The following MYO9A variants were observed in gnomAD, a reference collection of about 807,000 sequenced individuals.
The protein encoded by MYO9A is myosin IXA.
In MYO9A, 103 loss-of-function variants were observed where a neutral mutation model predicts 293.3. The observed-to-expected ratio is 0.35, with a 90% confidence interval of 0.30 to 0.41. The LOEUF is 0.41. Among genes scored for constraint, MYO9A ranks in the 10% least tolerant of loss-of-function variants. The pLI is 1.00. For missense variants in MYO9A, 2,685 were observed against 3,033.0 expected (o/e 0.89, Z 2.69); for synonymous variants, 1,001 against 1,035.7 (o/e 0.97, Z 0.64).
Position 72,019,109 on chromosome 15 carries a change from A to C in MYO9A, c.1099-14T>G. ...TTTCTTTGTTATCTGAAAGTAAGGCAGATTAGTTAGGTAGAAGTAATGGTT... is the reference window on the plus strand; with the variant it reads ...TTTCTTTGTTATCTGAAAGTAAGGCCGATTAGTTAGGTAGAAGTAATGGTT... On this transcript the variant is annotated splice_polypyrimidine_tract_variant and intron_variant, in intron 5 of 41. Coordinates refer to ENST00000356056, the MANE Select transcript of MYO9A (RefSeq NM_006901.4). 6.2e-7 allele frequency: 1 copy of C among 1,608,980 alleles called. No homozygotes were observed. The highest frequency in any genetic ancestry group is 8.5e-7 in the Non-Finnish European group (1 of 1,175,410).
intron 11 of MYO9A, among the ~76,000 whole-genome samples, chr15:71,982,902 T>C (rs749130118): frequency 1.3e-5 from 2 of 152,242 alleles, no homozygotes; most frequent in Admixed American, 6.5e-5. Context: ...AAGGGTAACA[T>C]TATTAAATAT....
chr15:71,915,496 C>A (rs2057984931), intron 19 of MYO9A, among the ~76,000 whole-genome samples: 2 of 151,152 alleles, frequency 1.3e-5, no homozygotes, highest in South Asian at 2.1e-4. Context: ...TTTCTTTAGG[C>A]CCATGGTGAG....
chr15:71,824,329 C>CTTAT lies in MYO9A; in HGVS notation c.*2247_*2250dup, dbSNP rs972457553. 7.9e-5 allele frequency: 12 copies of CTTAT among 152,028 alleles called. No homozygotes were observed. Among genetic ancestry groups the CTTAT allele is most frequent in the Non-Finnish European group, 1.6e-4 (11 of 68,004 alleles). The allele number at this position is 152,028 out of a possible 1,614,324, so 9.4% of individuals were successfully genotyped here. ...CAGTCGTTTTTTAACTGCCAAAAAACTTATTTTGCCAAAAAAGCCCCACAA... is the reference window on the plus strand; with the variant it reads ...CAGTCGTTTTTTAACTGCCAAAAAACTTATTTATTTTGCCAAAAAAGCCCCACAA... On this transcript the variant is annotated 3_prime_UTR_variant, in exon 42 of 42. Transcript: ENST00000356056.
chr15:72,105,396 T>C (rs1439275948), intron 1 of MYO9A, among the ~76,000 whole-genome samples: 1 of 152,062 alleles, frequency 6.6e-6, no homozygotes, highest in African/African-American at 2.4e-5. Context: ...GCTAGTTCTT[T>C]TGTTTGTTTT....
At chr15:71,876,827 C>T (rs1596085554) in intron 31 of MYO9A, among the ~76,000 whole-genome samples, 3 of 152,218 alleles carry the variant, frequency 2.0e-5, no homozygotes, top group African/African-American at 4.8e-5. Flanking sequence ...ACATTTGGGA[C>T]ACGGAAAAAC....
intron 35 of MYO9A, among the ~76,000 whole-genome samples, chr15:71,854,091 TTTTCTC>T (rs1173055478): frequency 6.6e-6 from 1 of 152,172 alleles, no homozygotes; most frequent in Admixed American, 6.5e-5. Flanking sequence ...ATACCTTAGT[TTTTCTC>T]TTTGTCAATC....
In MYO9A at chr15:71,909,372, T is replaced by C. The variant is rs1166650625; in HGVS notation, c.2686-4366A>G. On this transcript the variant is annotated intron_variant, in intron 19 of 41. Transcript: ENST00000356056. ...TACCATTTTGCATTCCCACCACCAA[T>C]GAATGAGTGTTCCTGTTGCTCCACA... 3.3e-5 allele frequency among the ~76,000 whole-genome samples: 5 copies of C among 152,342 alleles called. No individual in the cohort carries two copies. In the South Asian group the frequency reaches 8.3e-4, roughly 25 times the overall value.
intron 13 of MYO9A, among the ~76,000 whole-genome samples, chr15:71,964,942 A>G (rs1247681324): frequency 6.6e-6 from 1 of 151,908 alleles, no homozygotes; most frequent in African/African-American, 2.4e-5. Flanking sequence ...GTGATAAAAC[A>G]AGACTCTTGT....
chr15:72,021,107 A>G, intron 4 of MYO9A, 90 bp from the exon 5 acceptor site: 1 of 730,702 alleles, frequency 1.4e-6, no homozygotes, highest in Non-Finnish European at 2.2e-6. Flanking sequence ...AGTAATTAGT[A>G]AAATGTATCA....
intron 16 of MYO9A, among the ~76,000 whole-genome samples, chr15:71,937,650 T>C (rs758318241): frequency 5.3e-5 from 8 of 152,284 alleles, no homozygotes; most frequent in Non-Finnish European, 8.8e-5. Context: ...CGTTTTATTG[T>C]GGTGGTCTGG....
chr15:71,864,704 T>C (rs1019453458), intron 32 of MYO9A, among the ~76,000 whole-genome samples: 5 of 152,164 alleles, frequency 3.3e-5, no homozygotes, highest in Non-Finnish European at 5.9e-5. Flanking sequence ...TTCAAAAACA[T>C]TATGCTAAAA....
At chr15:71,926,257 G>A (rs1163193849) in intron 18 of MYO9A, among the ~76,000 whole-genome samples, 4 of 152,144 alleles carry the variant, frequency 2.6e-5, no homozygotes, top group Non-Finnish European at 4.4e-5. Context: ...TGGGGGGCAT[G>A]CGCAAGGCAT....
At chr15:72,092,425 T>C (rs982333120) in intron 1 of MYO9A, among the ~76,000 whole-genome samples, 11 of 152,136 alleles carry the variant, frequency 7.2e-5, no homozygotes, top group African/African-American at 2.7e-4. Flanking sequence ...ATAAATATTT[T>C]AGGCCTTAGC....
intron 1 of MYO9A, among the ~76,000 whole-genome samples, chr15:72,076,564 C>A (rs568339468): frequency 6.6e-6 from 1 of 151,992 alleles, no homozygotes; most frequent in Non-Finnish European, 1.5e-5. Flanking sequence ...AGATCTCTAA[C>A]GTGAAAACTA....
intron 2 of MYO9A, among the ~76,000 whole-genome samples, chr15:72,040,875 T>C (rs567846412): frequency 1.3e-5 from 2 of 152,298 alleles, no homozygotes; most frequent in South Asian, 2.1e-4. Flanking sequence ...ATTTGTGGGA[T>C]AGCAGTACAA....
At chr15:71,917,806 A>G (rs2058052083) in intron 18 of MYO9A, among the ~76,000 whole-genome samples, 2 of 152,192 alleles carry the variant, frequency 1.3e-5, no homozygotes, top group Non-Finnish European at 2.9e-5. Context: ...TGTATGAGAA[A>G]CAAAAGATTG....
chr15:72,076,392 A>G (rs2150277610), intron 1 of MYO9A, among the ~76,000 whole-genome samples: 1 of 152,294 alleles, frequency 6.6e-6, no homozygotes, highest in Non-Finnish European at 1.5e-5. Context: ...AGTAAAACTA[A>G]TAATTGAATT....
intron 1 of MYO9A, among the ~76,000 whole-genome samples, chr15:72,061,919 C>A (rs1384191330): frequency 6.6e-6 from 1 of 152,218 alleles, no homozygotes; most frequent in Non-Finnish European, 1.5e-5. Flanking sequence ...AGGTCTGACC[C>A]AGCACAGTCC....
At position 71,899,986 on chromosome 15, in the gene MYO9A, T is replaced by A; in HGVS notation, c.3171A>T (p.Leu1057=). 6.2e-7 allele frequency: 1 copy of A among 1,609,178 alleles called. No individual in the cohort carries two copies. Among genetic ancestry groups the A allele is most frequent in the Non-Finnish European group, 8.5e-7 (1 of 1,175,948 alleles). ...VIIQRFWRNY[L]NQKQVRDAAV... Reference sequence around the variant, plus strand: ...CTGCATCTCTGACTTGCTTCTGATTTAGGTAATTCCTCCAGAATCTCTATG... The same window carrying A: ...CTGCATCTCTGACTTGCTTCTGATTAAGGTAATTCCTCCAGAATCTCTATG... Residue 1057 remains leucine (L), a synonymous_variant, in exon 24 of 42, where the codon CTA becomes CTT. Coordinates refer to ENST00000356056, the MANE Select transcript of MYO9A (RefSeq NM_006901.4).
Sources: allele counts gnomAD v4.1 joint callset (sites outside exome capture counted in the v4.1 genomes callset), GRCh38; gene constraint gnomAD v4.1.1; transcripts MANE v1.5; gene names NCBI Gene and HGNC (gene_info 2026-07-23, HGNC 2026-07-21).